ZNF804B: variants seen among roughly 807,000 people sequenced by gnomAD.
The protein encoded by ZNF804B is zinc finger protein 804B, also known as zinc finger 804B.
A neutral mutation model predicts 101.4 loss-of-function variants in ZNF804B; 80 were observed. That is an observed-to-expected ratio of 0.79 (90% CI 0.66 to 0.95). The LOEUF is 0.95. ZNF804B is among the 40% of genes least tolerant of loss of function. ZNF804B has a pLI of 0.00. For synonymous variants in ZNF804B, 622 were observed against 558.8 expected, an observed-to-expected ratio of 1.11 and a Z score of -1.59; for missense variants, 1,673 against 1,561.9, an observed-to-expected ratio of 1.07 and a Z score of -1.20.
chr7:89,291,109 G>T (rs1240777844), intron 2 of ZNF804B, among the ~76,000 whole-genome samples: 1 of 152,130 alleles, frequency 6.6e-6, no homozygotes, highest in East Asian at 1.9e-4. Flanking sequence ...ATACAGCTTA[G>T]ATCACAACAC....
intron 1 of ZNF804B, among the ~76,000 whole-genome samples, chr7:89,094,281 A>G (rs1297422245): frequency 6.6e-6 from 1 of 152,178 alleles, no homozygotes; most frequent in Non-Finnish European, 1.5e-5. Context: ...CCTTCTTCTG[A>G]ATCAGTACTG....
chr7:89,263,097 G>A (rs1789735288), intron 2 of ZNF804B, among the ~76,000 whole-genome samples: 1 of 152,176 alleles, frequency 6.6e-6, no homozygotes, highest in Non-Finnish European at 1.5e-5. Context: ...CTGTTTTTCT[G>A]AGTATGGGCA....
intron 2 of ZNF804B, among the ~76,000 whole-genome samples, chr7:89,219,997 G>GTATATACACA (rs1360671172): frequency 1.3e-4 from 7 of 55,802 alleles, no homozygotes; most frequent in South Asian, 5.5e-4. Flanking sequence ...GTGCATATAT[G>GTATATACACA]TATATGCACA....
At chr7:88,793,077 T>G (rs997944630) in intron 1 of ZNF804B, among the ~76,000 whole-genome samples, 2 of 152,086 alleles carry the variant, frequency 1.3e-5, no homozygotes, top group Non-Finnish European at 2.9e-5. Flanking sequence ...AAAACTATAA[T>G]GATAAGTATT....
intron 2 of ZNF804B, among the ~76,000 whole-genome samples, chr7:89,220,251 G>A (rs2115708022): frequency 6.6e-6 from 1 of 150,574 alleles, no homozygotes; most frequent in South Asian, 2.1e-4. Context: ...TAAGATATAT[G>A]TATATAGTTG....
chr7:88,901,524 G>A (rs910221079), intron 1 of ZNF804B, among the ~76,000 whole-genome samples: 1 of 151,648 alleles, frequency 6.6e-6, no homozygotes, highest in African/African-American at 2.4e-5. Context: ...CCTTGTACAT[G>A]GTTTTAGGCT....
intron 1 of ZNF804B, among the ~76,000 whole-genome samples, chr7:89,170,671 G>A (rs1253943553): frequency 2.0e-5 from 3 of 152,012 alleles, no homozygotes; most frequent in African/African-American, 7.2e-5. Context: ...TTGTTTATTT[G>A]GTTTTCCCTG....
At chr7:89,331,753 T>C (rs1790986437) in intron 3 of ZNF804B, among the ~76,000 whole-genome samples, 1 of 151,218 alleles carries the variant, frequency 6.6e-6, no homozygotes, top group Non-Finnish European at 1.5e-5. Context: ...AAAGAAATTC[T>C]CCCTGAACTA....
At position 89,336,216 on chromosome 7, in the gene ZNF804B, G is replaced by A. The variant is rs146040847; in HGVS notation, c.3234G>A (p.Pro1078=). Reference sequence around the variant, plus strand: ...CAAATGAATTCCCTGGTGCTTTTCCGTCTAATAAATATACTGGTGTGACTG... The same window carrying A: ...CAAATGAATTCCCTGGTGCTTTTCCATCTAATAAATATACTGGTGTGACTG... The part of the protein sequence containing the change: ...PVPNEFPGAF[P]SNKYTGVTDS... The change falls in exon 4 of 4, where the codon CCG becomes CCA. Residue 1078 remains proline (P), a synonymous_variant. Transcript: ENST00000333190. 274 of 1,613,600 alleles carry A rather than the reference G, an allele frequency of 1.7e-4. No homozygotes were observed. Among genetic ancestry groups the A allele is most frequent in the African/African-American group, 4.0e-4 (30 of 74,846 alleles).
intron 1 of ZNF804B, among the ~76,000 whole-genome samples, chr7:89,124,326 A>G (rs1210159079): frequency 6.6e-6 from 1 of 152,150 alleles, no homozygotes. Context: ...ACTCTATCCT[A>G]CGCAGAAGAG....
chr7:89,213,228 G>A (rs1336039778), intron 1 of ZNF804B, among the ~76,000 whole-genome samples: 4 of 152,176 alleles, frequency 2.6e-5, no homozygotes, highest in Admixed American at 2.6e-4. Context: ...CCAAAAGAGT[G>A]TTCTGACTCA....
At chr7:88,803,247 G>T (rs1451353144) in intron 1 of ZNF804B, among the ~76,000 whole-genome samples, 4 of 152,088 alleles carry the variant, frequency 2.6e-5, no homozygotes, top group Admixed American at 6.6e-5. Flanking sequence ...GGATAGTCTA[G>T]CCTGAGAGCC....
chr7:88,762,341 T>A (rs1789910753), intron 1 of ZNF804B, among the ~76,000 whole-genome samples: 1 of 152,198 alleles, frequency 6.6e-6, no homozygotes, highest in Non-Finnish European at 1.5e-5. Flanking sequence ...TCATTCTCTA[T>A]CATTGGCAGG....
At chr7:89,239,338 C>T (rs573143353) in intron 2 of ZNF804B, among the ~76,000 whole-genome samples, 73 of 152,258 alleles carry the variant, frequency 4.8e-4, no homozygotes, top group African/African-American at 1.6e-3. Context: ...ACTCTTCTCC[C>T]TCTCTTTGAA....
chr7:88,877,050 T>TAATATATATATATATATATATATA (rs1491216741), intron 1 of ZNF804B, among the ~76,000 whole-genome samples: 1 of 20,206 alleles, frequency 4.9e-5, no homozygotes, highest in Non-Finnish European at 8.4e-5. Context: ...TATATATATA[T>TAATATATATATATATATATATATA]TTTTTTTTTT....
intron 1 of ZNF804B, among the ~76,000 whole-genome samples, chr7:88,788,001 T>C (rs746076539): frequency 1.4e-4 from 21 of 152,250 alleles, no homozygotes; most frequent in Non-Finnish European, 2.9e-5. Context: ...GAATCTAGGA[T>C]AATTTTTGAA....
intron 1 of ZNF804B, among the ~76,000 whole-genome samples, chr7:88,969,064 AT>A (rs970212710): frequency 6.6e-6 from 1 of 151,594 alleles, no homozygotes; most frequent in African/African-American, 2.4e-5. Flanking sequence ...AATTTCCTTT[AT>A]CCAGGTTAGA....
At chr7:88,910,797 T>C in intron 1 of ZNF804B, among the ~76,000 whole-genome samples, 1 of 151,936 alleles carries the variant, frequency 6.6e-6, no homozygotes, top group East Asian at 1.9e-4. Flanking sequence ...GAAGATGTTC[T>C]GCAAAATGAG....
chr7:89,332,646 G>A (rs1791004474), intron 3 of ZNF804B, among the ~76,000 whole-genome samples: 1 of 151,766 alleles, frequency 6.6e-6, no homozygotes, highest in South Asian at 2.1e-4. Flanking sequence ...TGCTAATGAA[G>A]CTCAGTAGAA....
Sources: gnomAD v4.1 joint callset for allele counts (sites outside exome capture counted in the v4.1 genomes callset) on GRCh38, gnomAD v4.1.1 for gene constraint, MANE v1.5 for transcripts, NCBI Gene and HGNC (gene_info 2026-07-23, HGNC 2026-07-21) for gene names.